TINAG: variants seen among roughly 807,000 people sequenced by gnomAD.
TINAG encodes the protein tubulointerstitial nephritis antigen.
A neutral mutation model predicts 72.7 loss-of-function variants in TINAG; 83 were observed. That is an observed-to-expected ratio of 1.14 (90% CI 0.96 to 1.37). The LOEUF (loss-of-function observed/expected upper bound fraction) is 1.37. TINAG is among the 40% of genes most tolerant of loss of function. The pLI is 0.00. For missense variants in TINAG, 685 were observed against 576.6 expected (o/e 1.19, Z -1.93); for synonymous variants, 234 against 189.9 (o/e 1.23, Z -1.91).
chr6:54,379,537 A>G (rs1210236961), intron 9 of TINAG, among the ~76,000 whole-genome samples: 7 of 152,130 alleles, frequency 4.6e-5, no homozygotes, highest in Non-Finnish European at 8.8e-5. Flanking sequence ...AAGCCACTTT[A>G]TAAAATAATA....
intron 4 of TINAG, 122 bp from the exon 5 acceptor site, chr6:54,343,104 C>T (rs1785036949): frequency 2.3e-6 from 2 of 879,752 alleles, no homozygotes; most frequent in Admixed American, 3.9e-5. Flanking sequence ...TGTAGTTCAT[C>T]TGGAAACTTG....
At chr6:54,321,265 A>G in intron 2 of TINAG, 32 bp from the exon 3 acceptor site, 5 of 1,565,788 alleles carry the variant, frequency 3.2e-6, no homozygotes, top group Non-Finnish European at 4.4e-6. Flanking sequence ...CATAAAGACC[A>G]AGCCACTTTT....
At chr6:54,354,173 A>G (rs1268649450) in intron 8 of TINAG, among the ~76,000 whole-genome samples, 1 of 151,914 alleles carries the variant, frequency 6.6e-6, no homozygotes, top group Admixed American at 6.6e-5. Context: ...GGTAAAGCAC[A>G]AGGTTAGTGG....
intron 4 of TINAG, among the ~76,000 whole-genome samples, chr6:54,341,800 C>T (rs1213619273): frequency 6.6e-6 from 1 of 152,026 alleles, no homozygotes; most frequent in Non-Finnish European, 1.5e-5. Flanking sequence ...CCATATATTT[C>T]TGATAAAGCA....
At chr6:54,315,293 C>A (rs1582693195) in intron 1 of TINAG, among the ~76,000 whole-genome samples, 2 of 152,134 alleles carry the variant, frequency 1.3e-5, no homozygotes. Flanking sequence ...CCATTTTGTA[C>A]AAACTGGAAG....
At chr6:54,314,949 C>T (rs1784338515) in intron 1 of TINAG, among the ~76,000 whole-genome samples, 1 of 152,100 alleles carries the variant, frequency 6.6e-6, no homozygotes, top group African/African-American at 2.4e-5. Context: ...TCACATTAGA[C>T]TATAAATGCT....
intron 1 of TINAG, among the ~76,000 whole-genome samples, chr6:54,320,161 C>G (rs1784457102): frequency 6.6e-6 from 1 of 152,076 alleles, no homozygotes; most frequent in South Asian, 2.1e-4. Context: ...GAGTCCAAAG[C>G]TACTTGCTTC....
At chr6:54,325,595 T>C (rs1784585387) in intron 3 of TINAG, among the ~76,000 whole-genome samples, 1 of 152,198 alleles carries the variant, frequency 6.6e-6, no homozygotes, top group South Asian at 2.1e-4. Context: ...TTATTTCTCC[T>C]ATCTTCTATT....
intron 1 of TINAG, among the ~76,000 whole-genome samples, chr6:54,319,857 C>A (rs1204306285): frequency 6.6e-6 from 1 of 152,078 alleles, no homozygotes; most frequent in African/African-American, 2.4e-5. Flanking sequence ...TGAATTTGAG[C>A]AGATTATATT....
intron 9 of TINAG, among the ~76,000 whole-genome samples, chr6:54,370,835 A>G (rs879368290): frequency 4.6e-5 from 7 of 152,060 alleles, no homozygotes; most frequent in Admixed American, 1.3e-4. Context: ...TACTGAATCA[A>G]CTTGACAGAA....
In TINAG at chr6:54,320,561, T is replaced by C; in HGVS notation, c.356-18T>C. On this transcript the variant is annotated intron_variant, in intron 1 of 10. Coordinates refer to ENST00000259782, the MANE Select transcript of TINAG (RefSeq NM_014464.4). ...ACTTAGTTTAGCATTTTCATTTCTTTACATGTTACTTTGACAGGTTGCTTC... is the reference window on the plus strand; with the variant it reads ...ACTTAGTTTAGCATTTTCATTTCTTCACATGTTACTTTGACAGGTTGCTTC... 2 of 1,587,070 alleles carry C rather than the reference T, an allele frequency of 1.3e-6. No individual in the cohort carries two copies. The highest frequency in any genetic ancestry group is 1.7e-5 in the Admixed American group (1 of 57,232).
intron 5 of TINAG, among the ~76,000 whole-genome samples, chr6:54,343,811 A>G (rs1444307556): frequency 6.6e-6 from 1 of 152,148 alleles, no homozygotes; most frequent in African/African-American, 2.4e-5. Context: ...TAATGGATCA[A>G]ATGGATTTTA....
intron 9 of TINAG, among the ~76,000 whole-genome samples, chr6:54,370,813 C>T (rs1436569504): frequency 6.6e-6 from 1 of 151,968 alleles, no homozygotes; most frequent in African/African-American, 2.4e-5. Context: ...ATCATGTTGC[C>T]TTGTCTGTCA....
At chr6:54,344,430 C>A (rs1013258318) in intron 5 of TINAG, among the ~76,000 whole-genome samples, 6 of 152,204 alleles carry the variant, frequency 3.9e-5, no homozygotes, top group Admixed American at 1.3e-4. Context: ...CACATGGAGA[C>A]CTTTCTGAGC....
At chr6:54,346,152 G>A (rs1475353340) in intron 5 of TINAG, among the ~76,000 whole-genome samples, 2 of 152,084 alleles carry the variant, frequency 1.3e-5, no homozygotes, top group Non-Finnish European at 2.9e-5. Flanking sequence ...ACTCACATTA[G>A]TTTATTTTGG....
Position 54,389,834 on chromosome 6 carries a change from A to G in TINAG, c.1340A>G (p.Tyr447Cys). Residue 447 changes from tyrosine to cysteine, a missense_variant, in exon 11 of 11, where the codon TAT becomes TGT. Coordinates refer to ENST00000259782, the MANE Select transcript of TINAG (RefSeq NM_014464.4). The part of the protein sequence containing the change: ...SWGKSWGENG[Y>C]FRILRGVNES... ...GGAAAGTCATGGGGAGAGAATGGCT[A>G]TTTCAGGATTCTTCGAGGAGTAAAT... 1 of 1,607,968 alleles carries G rather than the reference A, an allele frequency of 6.2e-7. No individual in the cohort carries two copies. Among genetic ancestry groups the G allele is most frequent in the Non-Finnish European group, 8.5e-7 (1 of 1,177,826 alleles).
chr6:54,332,411 C>T (rs149627462), intron 4 of TINAG, among the ~76,000 whole-genome samples: 3,673 of 152,174 alleles, frequency 0.024, 161 homozygotes, highest in African/African-American at 0.08. Context: ...AACTGGCTAG[C>T]CATATGCAGA....
At chr6:54,364,438 A>G (rs757764045) in intron 9 of TINAG, among the ~76,000 whole-genome samples, 3 of 151,562 alleles carry the variant, frequency 2.0e-5, no homozygotes, top group Non-Finnish European at 4.4e-5. Context: ...GAGAGAATTG[A>G]GGAATTTGGA....
intron 7 of TINAG, 104 bp downstream of exon 7, chr6:54,350,000 AAAAT>A: frequency 1.5e-6 from 1 of 684,928 alleles, no homozygotes; most frequent in Non-Finnish European, 2.0e-6. Flanking sequence ...ATTATATTCT[AAAAT>A]AAATATTATA....
Sources: gnomAD v4.1 joint callset for allele counts (sites outside exome capture counted in the v4.1 genomes callset) on GRCh38, gnomAD v4.1.1 for gene constraint, MANE v1.5 for transcripts, NCBI Gene and HGNC (gene_info 2026-07-23, HGNC 2026-07-21) for gene names.